The following SEMA6A variants were observed in gnomAD, a reference collection of about 807,000 sequenced individuals.
The protein encoded by SEMA6A is semaphorin-6A.
In SEMA6A, 25 loss-of-function variants were observed where a neutral mutation model predicts 96.8. The observed-to-expected ratio is 0.26, with a 90% CI of 0.19 to 0.36. The LOEUF is 0.36. Among genes scored for constraint, SEMA6A ranks in the 10% least tolerant of loss-of-function variants. The pLI is 1.00. For synonymous variants in SEMA6A, 612 were observed against 518.0 expected, an observed-to-expected ratio of 1.18 and a Z score of -2.46; for missense variants, 1,363 against 1,323.1, an observed-to-expected ratio of 1.03 and a Z score of -0.47.
chr5:116,486,495 T>C, intron 10 of SEMA6A: 1 of 394,562 alleles, frequency 2.5e-6, no homozygotes, highest in South Asian at 4.1e-5. Context: ...ACATAAAAAG[T>C]GTTTATATAC....
At chr5:116,456,127 C>G (rs1464311453) in intron 18 of SEMA6A, among the ~76,000 whole-genome samples, 2 of 152,134 alleles carry the variant, frequency 1.3e-5, no homozygotes, top group Admixed American at 1.3e-4. Flanking sequence ...GGATTTACAA[C>G]TACAACAAAA....
chr5:116,552,111 C>G (rs1221211899), intron 1 of SEMA6A, among the ~76,000 whole-genome samples: 1 of 152,152 alleles, frequency 6.6e-6, no homozygotes, highest in Non-Finnish European at 1.5e-5. Flanking sequence ...ACTGATTAAC[C>G]TGGAGAGCAC....
chr5:116,477,505 T>G (rs1756514257), intron 15 of SEMA6A, among the ~76,000 whole-genome samples: 1 of 152,234 alleles, frequency 6.6e-6, no homozygotes, highest in South Asian at 2.1e-4. Context: ...CTCACTAATC[T>G]AATTGGTATC....
At chr5:116,464,182 T>A (rs1035840709) in intron 18 of SEMA6A, among the ~76,000 whole-genome samples, 2 of 152,108 alleles carry the variant, frequency 1.3e-5, no homozygotes, top group Admixed American at 1.3e-4. Context: ...ACCTCAATAG[T>A]TATAGGAGGA....
intron 7 of SEMA6A, among the ~76,000 whole-genome samples, chr5:116,489,758 TC>T (rs1757244791): frequency 6.6e-6 from 1 of 152,202 alleles, no homozygotes; most frequent in African/African-American, 2.4e-5. Flanking sequence ...TGAGGGTAGA[TC>T]CCAGGCATAA....
intron 15 of SEMA6A, 64 bp from the exon 16 acceptor site, chr5:116,475,667 A>C: frequency 8.0e-7 from 1 of 1,243,028 alleles, no homozygotes; most frequent in African/African-American, 1.5e-5. Context: ...TTCAGAAATG[A>C]GTCAAGCTTC....
intron 4 of SEMA6A, among the ~76,000 whole-genome samples, chr5:116,497,006 G>C (rs139732148): frequency 1.9e-3 from 291 of 152,286 alleles, no homozygotes; most frequent in African/African-American, 6.7e-3. Context: ...GAATACATTT[G>C]TGGAACAAAA....
intron 18 of SEMA6A, among the ~76,000 whole-genome samples, chr5:116,457,900 C>A (rs754849324): frequency 6.6e-6 from 1 of 152,098 alleles, no homozygotes; most frequent in African/African-American, 2.4e-5. Context: ...TTTTCATCCT[C>A]TGTCTTTCCA....
chr5:116,573,787 G>A (rs1264426091), intron 1 of SEMA6A, among the ~76,000 whole-genome samples: 1 of 151,982 alleles, frequency 6.6e-6, no homozygotes, highest in Non-Finnish European at 1.5e-5. Flanking sequence ...CGACACACCG[G>A]GCCAGGGAGC....
At chr5:116,495,052 C>T (rs1263862840) in intron 6 of SEMA6A, among the ~76,000 whole-genome samples, 1 of 152,076 alleles carries the variant, frequency 6.6e-6, no homozygotes, top group Non-Finnish European at 1.5e-5. Flanking sequence ...AAATCACTCA[C>T]CATATAAGTG....
chr5:116,510,261 C>A (rs1196867599), intron 1 of SEMA6A, among the ~76,000 whole-genome samples: 1 of 152,018 alleles, frequency 6.6e-6, no homozygotes, highest in East Asian at 1.9e-4. Flanking sequence ...TTGAGTTTTA[C>A]ACTAAATCTA....
At chr5:116,527,286 T>TA (rs1277071237) in intron 1 of SEMA6A, among the ~76,000 whole-genome samples, 1 of 152,086 alleles carries the variant, frequency 6.6e-6, no homozygotes, top group East Asian at 1.9e-4. Context: ...ATTTCTGCCC[T>TA]AAAAAATGGA....
chr5:116,455,234 G>A (rs1402695692), intron 18 of SEMA6A, among the ~76,000 whole-genome samples: 1 of 152,170 alleles, frequency 6.6e-6, no homozygotes, highest in African/African-American at 2.4e-5. Context: ...TTGCCAATGG[G>A]AGTGCTACAG....
chr5:116,556,540 A>C (rs1760613288), intron 1 of SEMA6A, among the ~76,000 whole-genome samples: 1 of 152,188 alleles, frequency 6.6e-6, no homozygotes, highest in Non-Finnish European at 1.5e-5. Flanking sequence ...GGAAGGTACC[A>C]TTAGTATTTC....
At chr5:116,573,242 G>C (rs1409053899) in intron 1 of SEMA6A, among the ~76,000 whole-genome samples, 2 of 152,204 alleles carry the variant, frequency 1.3e-5, no homozygotes, top group Non-Finnish European at 2.9e-5. Context: ...AGTCGGAACA[G>C]AGCCCTAGTC....
intron 1 of SEMA6A, among the ~76,000 whole-genome samples, chr5:116,537,004 GA>G (rs1209136334): frequency 2.0e-5 from 3 of 151,440 alleles, no homozygotes; most frequent in Non-Finnish European, 4.4e-5. Flanking sequence ...TAGCATGTGT[GA>G]AAAAAAGAAT....
At chr5:116,506,282 T>A (rs1758142373) in intron 1 of SEMA6A, among the ~76,000 whole-genome samples, 1 of 152,238 alleles carries the variant, frequency 6.6e-6, no homozygotes, top group Admixed American at 6.5e-5. Context: ...AATCATTTCT[T>A]CAATTGAAAA....
At chr5:116,466,059 TAAAAAAAAAAA>T (rs35801222) in intron 18 of SEMA6A, among the ~76,000 whole-genome samples, 2 of 93,660 alleles carry the variant, frequency 2.1e-5, no homozygotes, top group African/African-American at 4.3e-5. Flanking sequence ...AAAACCAGCT[TAAAAAAAAAAA>T]AAAAAAAAAA....
intron 18 of SEMA6A, among the ~76,000 whole-genome samples, chr5:116,466,079 AAAAAG>A (rs1190053762): frequency 4.0e-5 from 6 of 150,016 alleles, no homozygotes; most frequent in Non-Finnish European, 9.0e-5. Flanking sequence ...AAAAAAAAAA[AAAAAG>A]ATTTGGCCGG....
Sources: allele counts gnomAD v4.1 joint callset (sites outside exome capture counted in the v4.1 genomes callset), GRCh38; gene constraint gnomAD v4.1.1; transcripts MANE v1.5; gene names NCBI Gene and HGNC (gene_info 2026-07-23, HGNC 2026-07-21).